HEXA: variants seen among roughly 807,000 people sequenced by gnomAD.
HEXA encodes the protein hexosaminidase subunit alpha.
HEXA carries 54 observed loss-of-function variants against 73.3 expected under a neutral mutation model. That is an observed-to-expected ratio of 0.74 (90% CI 0.59 to 0.92). The LOEUF (loss-of-function observed/expected upper bound fraction) is 0.92, where lower values mean the gene tolerates loss of function less well. HEXA is among the 40% of genes least tolerant of loss of function. HEXA has a pLI of 0.00. For missense variants in HEXA, 649 were observed against 653.0 expected, an observed-to-expected ratio of 0.99 and a Z score of 0.07; for synonymous variants, 230 against 246.9, an observed-to-expected ratio of 0.93 and a Z score of 0.64.
At chr15:72,355,831 C>A in intron 2 of HEXA, 1 of 614,560 alleles carries the variant, frequency 1.6e-6, no homozygotes, top group Non-Finnish European at 3.0e-6. Context: ...GTGGTCACCA[C>A]AGTGACTCTG....
At position 72,355,644 on chromosome 15, in the gene HEXA, C is replaced by T. The variant is rs1055316951; in HGVS notation, c.347-20G>A. The T allele has an allele frequency of 1.3e-6, 2 of 1,563,676 alleles. No homozygotes were observed. Among genetic ancestry groups the T allele is most frequent in the Non-Finnish European group, 1.8e-6 (2 of 1,133,994 alleles). On this transcript the variant is annotated intron_variant, in intron 2 of 13. Transcript: ENST00000268097. The stretch of plus-strand genomic sequence containing the variant: ...GGGTATCTGAAATGACAGAAATGAA[C>T]TCATTTAGTTGGTTAAGGTTTTCTA...
chr15:72,357,169 A>C (rs963375), intron 1 of HEXA: 23,778 of 209,584 alleles, frequency 0.11, 2,130 homozygotes, highest in African/African-American at 0.26. Context: ...TATCTCATTG[A>C]AGATTGGCAT....
chr15:72,366,429 C>T (rs2088916801), intron 1 of HEXA, among the ~76,000 whole-genome samples: 1 of 152,018 alleles, frequency 6.6e-6, no homozygotes, highest in Admixed American at 6.6e-5. Context: ...CTACCTCAGC[C>T]TCCTAAGTAG....
chr15:72,345,416 C>T (rs376303856), intron 13 of HEXA, 30 bp downstream of exon 13: 269 of 1,613,594 alleles, frequency 1.7e-4, no homozygotes, highest in Admixed American at 1.6e-3. Context: ...TGGCCTGCTC[C>T]GCCTTGCGAA....
At chr15:72,347,542 C>G in intron 10 of HEXA, 144 bp downstream of exon 10, 1 of 744,948 alleles carries the variant, frequency 1.3e-6, no homozygotes, top group South Asian at 1.5e-5. Flanking sequence ...ACTCTGTGGC[C>G]TTTCTAGAGA....
intron 3 of HEXA, chr15:72,354,305 G>C (rs980672145): frequency 1.3e-5 from 2 of 158,014 alleles, no homozygotes; most frequent in African/African-American, 4.8e-5. Context: ...GCTGAGGTGT[G>C]GTGGACAGCA....
At chr15:72,372,719 C>A (rs148583716) in intron 1 of HEXA, among the ~76,000 whole-genome samples, 3,263 of 152,318 alleles carry the variant, frequency 0.021, 75 homozygotes, top group Admixed American at 0.066. Flanking sequence ...GTGGGACTAA[C>A]CCTTGAAGGT....
At chr15:72,364,113 T>C (rs1403194951) in intron 1 of HEXA, among the ~76,000 whole-genome samples, 2 of 151,780 alleles carry the variant, frequency 1.3e-5, no homozygotes, top group Admixed American at 1.3e-4. Context: ...CTACTAAAAA[T>C]ACAAAAATTA....
At chr15:72,355,212 C>A in intron 3 of HEXA, 1 of 342,848 alleles carries the variant, frequency 2.9e-6, no homozygotes, top group Non-Finnish European at 5.7e-6. Context: ...GACGGGAAAA[C>A]ACGCCAATTG....
At chr15:72,353,520 C>T (rs922777291) in intron 4 of HEXA, among the ~76,000 whole-genome samples, 171 bp downstream of exon 4, 2 of 152,222 alleles carry the variant, frequency 1.3e-5, no homozygotes, top group Non-Finnish European at 2.9e-5. Context: ...TGATTCCAAA[C>T]AGACCAAATC....
chr15:72,374,920 C>G (rs1349788741), intron 1 of HEXA, among the ~76,000 whole-genome samples: 6 of 152,110 alleles, frequency 3.9e-5, no homozygotes, highest in Non-Finnish European at 8.8e-5. Context: ...AATCATAATT[C>G]TTTGTGCCTC....
rs1327645597 is a variant in HEXA at position 72,367,988 on chromosome 15, CTCTG to C, written c.253+7728_253+7731del. On this transcript the variant is annotated intron_variant, in intron 1 of 13. Transcript: ENST00000268097. ...TCAGTTATCATAGAAAAATATCACA[CTCTG>C]TCTGTATCCCCACTTCCAGAAACTG... Among the ~76,000 whole-genome samples the C allele has an allele frequency of 1.8e-4, 9 of 50,308 alleles. No individual in the cohort carries two copies. The East Asian group carries it at 5.8e-3, about 32-fold the overall frequency. 33.0% of individuals were successfully genotyped at this position (50,308 alleles called of 152,430 possible). A position where few individuals can be genotyped will look rare whatever the true frequency, so the allele number is the denominator to read the frequency against.
At chr15:72,356,730 G>A (rs535501070) in intron 1 of HEXA, 113 bp from the exon 2 acceptor site, 2 of 1,496,152 alleles carry the variant, frequency 1.3e-6, no homozygotes, top group African/African-American at 1.4e-5. Context: ...AGGAAAGGGA[G>A]GACATGGCAT....
At chr15:72,345,674 T>C (rs1178106292) in intron 12 of HEXA, 124 bp from the exon 13 acceptor site, 3 of 1,507,956 alleles carry the variant, frequency 2.0e-6, no homozygotes, top group African/African-American at 1.4e-5. Flanking sequence ...AAGTGATCAA[T>C]ACCTTGTTAT....
chr15:72,356,685 T>A (rs776024044), intron 1 of HEXA, 68 bp from the exon 2 acceptor site: 1 of 1,603,936 alleles, frequency 6.2e-7, no homozygotes, highest in Non-Finnish European at 8.5e-7. Context: ...ACCAAGACCC[T>A]AGCTCTAGTC....
intron 1 of HEXA, among the ~76,000 whole-genome samples, chr15:72,371,185 C>T (rs1323134486): frequency 6.6e-6 from 1 of 152,126 alleles, no homozygotes; most frequent in Admixed American, 6.6e-5. Flanking sequence ...TCACTGCATG[C>T]TGAGTTAAGA....
At chr15:72,345,742 T>A (rs1270986901) in intron 12 of HEXA, 192 bp from the exon 13 acceptor site, 3 of 763,356 alleles carry the variant, frequency 3.9e-6, no homozygotes, top group Non-Finnish European at 4.3e-6. Flanking sequence ...TCCACCTTCA[T>A]TAAAATGTGG....
chr15:72,350,752 G>A (rs1465706123), intron 6 of HEXA, 102 bp from the exon 7 acceptor site: 11 of 1,313,750 alleles, frequency 8.4e-6, no homozygotes, highest in African/African-American at 4.3e-5. Flanking sequence ...CAGAAAACCT[G>A]CCCATAGCCC....
At position 72,353,695 on chromosome 15, in the gene HEXA, C is replaced by T. The variant is rs375727994; in HGVS notation, c.455G>A (p.Gly152Asp). ...FSQLVWKSAE[G>D]TFFINKTEIE... is the part of the protein sequence containing the mutation. ...TTTTTGAGGGTCCACACTTACTGTGCCCTCAGCAGATTTCCAAACAAGCTG... is the reference window on the plus strand; with the variant it reads ...TTTTTGAGGGTCCACACTTACTGTGTCCTCAGCAGATTTCCAAACAAGCTG... Residue 152 changes from glycine (G) to aspartate (D), a missense_variant, in exon 4 of 14, where the codon GGC becomes GAC. Coordinates refer to ENST00000268097, the MANE Select transcript of HEXA (RefSeq NM_000520.6). 1 of 1,611,654 alleles carries T rather than the reference C, an allele frequency of 6.2e-7. No individual in the cohort carries two copies. The highest frequency in any genetic ancestry group is 8.5e-7 in the Non-Finnish European group (1 of 1,177,792).
Sources: gnomAD v4.1 joint callset for allele counts (sites outside exome capture counted in the v4.1 genomes callset) on GRCh38, gnomAD v4.1.1 for gene constraint, MANE v1.5 for transcripts, NCBI Gene and HGNC (gene_info 2026-07-23, HGNC 2026-07-21) for gene names.